The following CRTAP variants were observed in gnomAD, a reference collection of about 807,000 sequenced individuals.
The protein encoded by CRTAP is cartilage-associated protein.
In CRTAP, 33 loss-of-function variants were observed where a neutral mutation model predicts 42.7. The ratio of observed to expected loss-of-function variants is 0.77; its 90% confidence interval spans 0.59 to 1.03. The LOEUF is 1.03. CRTAP is among the 50% of genes least tolerant of loss of function. The pLI is 0.00. For missense variants in CRTAP, 613 were observed against 533.9 expected (o/e 1.15, Z -1.46); for synonymous variants, 243 against 217.7 (o/e 1.12, Z -1.02).
At chr3:33,115,862 T>G (rs2125596763) in intron 1 of CRTAP, among the ~76,000 whole-genome samples, 1 of 152,230 alleles carries the variant, frequency 6.6e-6, no homozygotes, top group Non-Finnish European at 1.5e-5. Flanking sequence ...ACTTCTATAC[T>G]TCTATGCTTA....
intron 3 of CRTAP, 89 bp from the exon 4 acceptor site, chr3:33,129,850 C>T (rs2030198314): frequency 7.2e-7 from 1 of 1,389,656 alleles, no homozygotes; most frequent in African/African-American, 1.4e-5. Context: ...AAATATTTTT[C>T]TTTTAACTTT....
At chr3:33,114,682 C>A in intron 1 of CRTAP, 134 bp downstream of exon 1, 1 of 771,422 alleles carries the variant, frequency 1.3e-6, no homozygotes, top group Non-Finnish European at 2.1e-6. Context: ...CCAGCCCTGC[C>A]AAAGGTCTCC....
chr3:33,121,771 T>A (rs1019003232), intron 2 of CRTAP, among the ~76,000 whole-genome samples: 1 of 152,206 alleles, frequency 6.6e-6, no homozygotes, highest in South Asian at 2.1e-4. Flanking sequence ...TCCTCAGCCT[T>A]TATGGGTAAA....
intron 2 of CRTAP, among the ~76,000 whole-genome samples, 153 bp from the exon 3 acceptor site, chr3:33,124,255 G>A (rs1460325920): frequency 6.6e-6 from 1 of 152,210 alleles, no homozygotes; most frequent in Non-Finnish European, 1.5e-5. Context: ...TAGATATAAA[G>A]TAACTCACTG....
At position 33,114,030 on chromosome 3, in the gene CRTAP, C is replaced by A; in HGVS notation, c.-48C>A. The A allele has an allele frequency of 7.4e-7, 1 of 1,360,174 alleles. No homozygotes were observed. 84.3% of individuals were successfully genotyped at this position (1,360,174 alleles called of 1,614,324 possible). Reference sequence around the variant, plus strand: ...GTCCTCTTTCCTTTCCTTCTCCCTCCCCTTTTCCCTTCCTTCGTCCCTTCC... The same window carrying A: ...GTCCTCTTTCCTTTCCTTCTCCCTCACCTTTTCCCTTCCTTCGTCCCTTCC... On this transcript the variant is annotated 5_prime_UTR_variant, in exon 1 of 7. Transcript: ENST00000320954.
intron 6 of CRTAP, among the ~76,000 whole-genome samples, chr3:33,137,232 C>G (rs570773409): frequency 6.6e-6 from 1 of 152,244 alleles, no homozygotes; most frequent in Admixed American, 6.5e-5. Flanking sequence ...CCTCCGCCTC[C>G]CAGGTTCAAG....
At chr3:33,118,311 C>T (rs112312039) in intron 1 of CRTAP, among the ~76,000 whole-genome samples, 1,835 of 152,332 alleles carry the variant, frequency 0.012, 38 homozygotes, top group African/African-American at 0.042. Context: ...TCTAATTTCA[C>T]TGGCAAATGC....
intron 6 of CRTAP, 58 bp from the exon 7 acceptor site, chr3:33,142,337 C>A (rs2030599786): frequency 1.4e-6 from 2 of 1,454,130 alleles, no homozygotes; most frequent in African/African-American, 1.4e-5. Flanking sequence ...TTCTGCTCAT[C>A]AGTACTTTTA....
chr3:33,131,253 GT>G (rs57105062), intron 4 of CRTAP, among the ~76,000 whole-genome samples: 33 of 140,494 alleles, frequency 2.3e-4, no homozygotes, highest in East Asian at 8.3e-4. Flanking sequence ...TGGTAATTGT[GT>G]TTTTTTTTTG....
chr3:33,116,732 A>G (rs560544855), intron 1 of CRTAP, among the ~76,000 whole-genome samples: 1 of 152,324 alleles, frequency 6.6e-6, no homozygotes, highest in South Asian at 2.1e-4. Flanking sequence ...ATAAACGTGA[A>G]TGTTACTTAA....
At chr3:33,132,434 G>C in intron 4 of CRTAP, 121 bp from the exon 5 acceptor site, 1 of 1,431,190 alleles carries the variant, frequency 7.0e-7, no homozygotes. Context: ...GTCGGCCCCA[G>C]GCTCTCTGAA....
In CRTAP at chr3:33,114,381, A is replaced by G; in HGVS notation, c.304A>G (p.Ser102Gly). The part of the protein sequence containing the change: ...PQPEPAAGLA[S>G]YPELRLFGGL... ...GCCCGAGCCCGCCGCCGGCCTCGCCAGCTATCCCGAGCTGCGCCTCTTCGG... is the reference window on the plus strand; with the variant it reads ...GCCCGAGCCCGCCGCCGGCCTCGCCGGCTATCCCGAGCTGCGCCTCTTCGG... Residue 102 changes from serine (S) to glycine (G), a missense_variant, in exon 1 of 7, where the codon AGC (serine) becomes GGC (glycine). Coordinates refer to ENST00000320954, the MANE Select transcript of CRTAP (RefSeq NM_006371.5). 6.5e-7 allele frequency: 1 copy of G among 1,528,068 alleles called. No individual in the cohort carries two copies. Among genetic ancestry groups the G allele is most frequent in the Non-Finnish European group, 8.7e-7 (1 of 1,143,470 alleles). 94.7% of individuals were successfully genotyped at this position (1,528,068 alleles called of 1,614,324 possible).
intron 1 of CRTAP, among the ~76,000 whole-genome samples, chr3:33,119,063 T>C (rs948552985): frequency 2.6e-5 from 4 of 152,210 alleles, no homozygotes; most frequent in Admixed American, 2.6e-4. Flanking sequence ...CAGGCTCTTT[T>C]GTGAGTGCAG....
chr3:33,135,285 A>T (rs535995270), intron 6 of CRTAP, among the ~76,000 whole-genome samples: 63 of 152,306 alleles, frequency 4.1e-4, no homozygotes, highest in African/African-American at 1.5e-3. Context: ...CATTCCCTAA[A>T]GGAAGGAACA....
At position 33,142,735 on chromosome 3, in the gene CRTAP, A is replaced by C. The variant is rs978207624; in HGVS notation, c.*287A>C. 2 of 340,666 alleles carry C rather than the reference A, an allele frequency of 5.9e-6. No homozygotes were observed. The highest frequency in any genetic ancestry group is 3.7e-5 in the South Asian group (1 of 26,866). The allele number at this position is 340,666 out of a possible 1,614,324, so 21.1% of individuals were successfully genotyped here. On this transcript the variant is annotated 3_prime_UTR_variant, in exon 7 of 7. Transcript: ENST00000320954. ...AATGGCACGTTCTCAGCTCACTGCA[A>C]CCTCCGCCTCTTGGGTTCAAGCAAT...
At chr3:33,134,033 G>A in intron 5 of CRTAP, 149 bp from the exon 6 acceptor site, 1 of 677,594 alleles carries the variant, frequency 1.5e-6, no homozygotes, top group Non-Finnish European at 2.7e-6. Context: ...GTGGTTGTTA[G>A]TATATTCAGA....
At chr3:33,126,928 T>C (rs978804589) in intron 3 of CRTAP, among the ~76,000 whole-genome samples, 1 of 152,216 alleles carries the variant, frequency 6.6e-6, no homozygotes, top group African/African-American at 2.4e-5. Context: ...TCACTGAATA[T>C]GCAATTTGCA....
At chr3:33,137,053 C>T (rs1439413336) in intron 6 of CRTAP, among the ~76,000 whole-genome samples, 3 of 147,494 alleles carry the variant, frequency 2.0e-5, no homozygotes, top group Non-Finnish European at 4.5e-5. Flanking sequence ...ATATCTTCAA[C>T]AAAACTTAAT....
At chr3:33,136,287 A>T (rs981989081) in intron 6 of CRTAP, among the ~76,000 whole-genome samples, 1 of 152,220 alleles carries the variant, frequency 6.6e-6, no homozygotes, top group Middle Eastern at 3.2e-3. Context: ...CATTCTGTTT[A>T]TCCATTCTTC....
Sources: allele counts gnomAD v4.1 joint callset (sites outside exome capture counted in the v4.1 genomes callset), GRCh38; gene constraint gnomAD v4.1.1; transcripts MANE v1.5; gene names NCBI Gene and HGNC (gene_info 2026-07-23, HGNC 2026-07-21).